The following RNPC3 variants were observed in gnomAD, a reference collection of about 807,000 sequenced individuals.
RNPC3 encodes the protein RNA binding region (RNP1, RRM) containing 3.
A neutral mutation model predicts 67.5 loss-of-function variants in RNPC3; 48 were observed. The observed-to-expected ratio is 0.71, with a 90% CI of 0.56 to 0.90. The LOEUF (loss-of-function observed/expected upper bound fraction) is 0.90. RNPC3 is among the 40% of genes least tolerant of loss of function. The pLI is 0.00. For synonymous variants in RNPC3, 239 were observed against 210.3 expected, an observed-to-expected ratio of 1.14 and a Z score of -1.18; for missense variants, 637 against 626.1, an observed-to-expected ratio of 1.02 and a Z score of -0.19.
chr1:103,546,826 T>C (rs1163787744), intron 11 of RNPC3, 151 bp from the exon 12 acceptor site: 2 of 521,964 alleles, frequency 3.8e-6, no homozygotes. Flanking sequence ...TCTGTCCAAA[T>C]TTCCCCTTTT....
Position 103,525,882 on chromosome 1 carries a change from G to A in RNPC3, c.-189G>A, listed in dbSNP as rs565291953. On this transcript the variant is annotated 5_prime_UTR_variant, in exon 1 of 15. Coordinates refer to ENST00000423855, the MANE Select transcript of RNPC3 (RefSeq NM_017619.4). ...CATTAGCACCGCGCCCTTCCCCGAA[G>A]AGTCTTCGAAGGGTTGCCGCTTTTC... The A allele has an allele frequency of 7.4e-5, 42 of 568,442 alleles. No individual in the cohort carries two copies. In the Middle Eastern group the frequency reaches 1.2e-3, roughly 16 times the overall value. The allele number at this position is 568,442 out of a possible 1,614,324, so 35.2% of individuals were successfully genotyped here. A position where few individuals can be genotyped will look rare whatever the true frequency, so the allele number is the denominator to read the frequency against.
intron 5 of RNPC3, among the ~76,000 whole-genome samples, chr1:103,535,845 G>A (rs1028924217): frequency 2.0e-5 from 3 of 151,828 alleles, no homozygotes; most frequent in Non-Finnish European, 4.4e-5. Context: ...ACAATAATTG[G>A]GTTAAAGATA....
rs1191468796 is a variant in RNPC3, at chr1:103,551,071, G to A, written c.1492G>A (p.Val498Ile). The A allele has an allele frequency of 3.1e-6, 5 of 1,606,054 alleles. No homozygotes were observed. In the African/African-American group the frequency reaches 6.7e-5, roughly 22 times the overall value. Residue 498 changes from valine (V) to isoleucine (I), a missense_variant and splice_region_variant, in exon 13 of 15, where the codon GTT becomes ATT. Physicochemically the swap from Val to Ile is conservative, Grantham distance 29. Coordinates refer to ENST00000423855, the MANE Select transcript of RNPC3 (RefSeq NM_017619.4). ...TGTGCTTTTTGGAAAACCCATGGTG[G>A]TTGTATCCTTTAAATCCATCTATTT... ...GYVLFGKPMV[V>I]QFARSARPKQ... is the part of the protein sequence containing the mutation.
At chr1:103,551,307 C>G in intron 13 of RNPC3, 1 of 465,500 alleles carries the variant, frequency 2.1e-6, no homozygotes, top group East Asian at 3.7e-5. Context: ...AAATGTTTCA[C>G]TTATGCAGCT....
chr1:103,533,842 C>G lies in RNPC3; in HGVS notation c.344C>G (p.Ser115Cys). Residue 115 changes from serine to cysteine, a missense_variant, in exon 3 of 15, where the codon TCT (serine) becomes TGT (cysteine). Around this residue, in one of 3 missense-constraint regions of RNPC3, gnomAD observed 536 missense variants for 500.3 expected, o/e 1.07. Coordinates refer to ENST00000423855, the MANE Select transcript of RNPC3 (RefSeq NM_017619.4). ...RVHSPCPTSG[S>C]EKKKRSDDPV... ...CACTCCCCATGTCCCACTTCAGGCT[C>G]TGAAAAAAAAAAAAGGTATGTAGAT... 2 of 1,463,826 alleles carry G rather than the reference C, an allele frequency of 1.4e-6. No individual in the cohort carries two copies. Among genetic ancestry groups the G allele is most frequent in the Non-Finnish European group, 1.8e-6 (2 of 1,093,370 alleles). The allele number at this position is 1,463,826 out of a possible 1,614,324, so 90.7% of individuals were successfully genotyped here.
At chr1:103,550,119 A>C (rs1479624645) in intron 12 of RNPC3, among the ~76,000 whole-genome samples, 1 of 151,986 alleles carries the variant, frequency 6.6e-6, no homozygotes. Flanking sequence ...AGCCAAGATC[A>C]CGCCACTGCA....
intron 12 of RNPC3, 130 bp downstream of exon 12, chr1:103,547,165 C>T: frequency 1.9e-6 from 1 of 529,654 alleles, no homozygotes; most frequent in Non-Finnish European, 3.2e-6. Context: ...TATTCTGTTG[C>T]ACAATTAATC....
At chr1:103,545,156 T>A in intron 10 of RNPC3, 54 bp downstream of exon 10, 1 of 1,400,258 alleles carries the variant, frequency 7.1e-7, no homozygotes, top group Non-Finnish European at 9.5e-7. Context: ...TCTTTGACTC[T>A]ATAGAAACAA....
intron 8 of RNPC3, 127 bp downstream of exon 8, chr1:103,541,602 T>G: frequency 1.3e-6 from 1 of 786,150 alleles, no homozygotes; most frequent in Non-Finnish European, 1.9e-6. Flanking sequence ...GGCTTCCTAG[T>G]TACCAAATTT....
chr1:103,534,846 A>G lies in RNPC3; in HGVS notation c.432A>G (p.Ala144=). 1 of 1,529,704 alleles carries G rather than the reference A, an allele frequency of 6.5e-7. No homozygotes were observed. The highest frequency in any genetic ancestry group is 8.8e-7 in the Non-Finnish European group (1 of 1,142,322). The allele number at this position is 1,529,704 out of a possible 1,614,324, so 94.8% of individuals were successfully genotyped here. A position where few individuals can be genotyped will look rare whatever the true frequency, so the allele number is the denominator to read the frequency against. ...LGYLTVENGI[A]PNHGLTFPLN... ...ATTTAACAGTAGAAAATGGAATTGC[A>G]CCAAACCATGGGTTAGCATTTTTGT... is the stretch of plus-strand genomic sequence containing the variant. Residue 144 remains alanine, a synonymous_variant, in exon 4 of 15, where the codon GCA becomes GCG. Coordinates refer to ENST00000423855, the MANE Select transcript of RNPC3 (RefSeq NM_017619.4).
intron 2 of RNPC3, 21 bp downstream of exon 2, chr1:103,527,763 T>A (rs1157338637): frequency 6.6e-7 from 1 of 1,516,702 alleles, no homozygotes; most frequent in Non-Finnish European, 8.9e-7. Flanking sequence ...TTCTTGACGA[T>A]TAAAGTTGTC....
At chr1:103,541,593 G>A (rs900664601) in intron 8 of RNPC3, 118 bp downstream of exon 8, 13 of 980,178 alleles carry the variant, frequency 1.3e-5, no homozygotes, top group Non-Finnish European at 1.7e-5. Context: ...GTTTACATTG[G>A]CTTCCTAGTT....
chr1:103,535,572 A>C (rs1650964287), intron 5 of RNPC3, 131 bp downstream of exon 5: 1 of 557,966 alleles, frequency 1.8e-6, no homozygotes, highest in East Asian at 3.1e-5. Flanking sequence ...AATGTAATTA[A>C]ATATTTTCTA....
chr1:103,533,706 G>C (rs1328023031), intron 2 of RNPC3, 33 bp from the exon 3 acceptor site: 2 of 1,131,108 alleles, frequency 1.8e-6, no homozygotes, highest in South Asian at 2.7e-5. Flanking sequence ...TGGTACAATT[G>C]TGAAATGTTT....
At chr1:103,527,020 TA>T (rs879574251) in intron 1 of RNPC3, among the ~76,000 whole-genome samples, 3,107 of 146,208 alleles carry the variant, frequency 0.021, 88 homozygotes, top group African/African-American at 0.068. Context: ...GCCTGCAAAT[TA>T]AAAAAAAAAA....
At chr1:103,554,250 A>C (rs1403672438) in intron 14 of RNPC3, 1 of 152,296 alleles carries the variant, frequency 6.6e-6, no homozygotes, top group Non-Finnish European at 1.5e-5. Flanking sequence ...GCTACTTGGG[A>C]TGCTAAGGCA....
chr1:103,531,519 A>AT (rs1250121460), intron 2 of RNPC3, among the ~76,000 whole-genome samples: 1 of 152,038 alleles, frequency 6.6e-6, no homozygotes, highest in Non-Finnish European at 1.5e-5. Context: ...TTATGTTTTG[A>AT]TTTTTTCATT....
At chr1:103,537,634 A>G (rs1184315782) in intron 7 of RNPC3, 150 bp downstream of exon 7, 2 of 578,840 alleles carry the variant, frequency 3.5e-6, no homozygotes, top group African/African-American at 3.8e-5. Context: ...AGGCATATAT[A>G]GCAGCTATAA....
chr1:103,543,309 G>C lies in RNPC3; in HGVS notation c.907G>C (p.Val303Leu). 6.8e-7 allele frequency: 1 copy of C among 1,467,386 alleles called. No individual in the cohort carries two copies. Among genetic ancestry groups the C allele is most frequent in the Non-Finnish European group, 9.0e-7 (1 of 1,117,228 alleles). 90.9% of individuals were successfully genotyped at this position (1,467,386 alleles called of 1,614,324 possible). A position where few individuals can be genotyped will look rare whatever the true frequency, so the allele number is the denominator to read the frequency against. ...LCPSHSSLHP[V>L]LLPSDVFDQP... is the part of the protein sequence containing the mutation. ...GTTTTTAAATAGCAGTTTACATCCA[G>C]TGCTGTTACCTTCAGATGTATTTGA... The change falls in exon 9 of 15, where the codon GTG (valine) becomes CTG (leucine). Residue 303 changes from valine (V) to leucine (L), a missense_variant. Physicochemically the swap from Val to Leu is conservative, Grantham distance 32 (BLOSUM62 1). Transcript: ENST00000423855.
Sources: gnomAD v4.1 joint callset for allele counts (sites outside exome capture counted in the v4.1 genomes callset) on GRCh38, gnomAD v4.1.1 for gene constraint, gnomAD v4.1.1 regional missense constraint, MANE v1.5 for transcripts, NCBI Gene and HGNC (gene_info 2026-07-23, HGNC 2026-07-21) for gene names.